LAMA4: variants seen among roughly 807,000 people sequenced by gnomAD.
LAMA4 encodes laminin subunit alpha 4, also known as laminin subunit alpha-4.
In LAMA4, 127 loss-of-function variants were observed where a neutral mutation model predicts 207.1. The ratio of observed to expected loss-of-function variants is 0.61; its 90% confidence interval spans 0.53 to 0.71. The LOEUF is 0.71. LAMA4 is among the 30% of genes least tolerant of loss of function. LAMA4 has a pLI of 0.00. For missense variants in LAMA4, 2,093 were observed against 2,246.5 expected (o/e 0.93, Z 1.38); for synonymous variants, 761 against 816.0 (o/e 0.93, Z 1.15).
At chr6:112,133,037 A>G (rs1779132606) in intron 27 of LAMA4, 147 bp from the exon 28 acceptor site, 1 of 849,608 alleles carries the variant, frequency 1.2e-6, no homozygotes. Context: ...GAATTCAGGC[A>G]TACACTAGGA....
intron 24 of LAMA4, 41 bp from the exon 25 acceptor site, chr6:112,136,295 T>A: frequency 6.5e-7 from 1 of 1,530,740 alleles, no homozygotes; most frequent in South Asian, 1.1e-5. Flanking sequence ...ACATCTGTTA[T>A]GCGAGTAGAG....
At chr6:112,233,392 G>A (rs1785687497) in intron 2 of LAMA4, among the ~76,000 whole-genome samples, 1 of 152,144 alleles carries the variant, frequency 6.6e-6, no homozygotes, top group South Asian at 2.1e-4. Context: ...TTTTTTTTGA[G>A]CACGAATTTT....
At chr6:112,204,172 T>A (rs1441877807) in intron 4 of LAMA4, among the ~76,000 whole-genome samples, 1 of 152,064 alleles carries the variant, frequency 6.6e-6, no homozygotes, top group East Asian at 1.9e-4. Context: ...TTAATAAAGG[T>A]GAGATTTTTG....
chr6:112,194,747 G>T (rs2114977248), intron 5 of LAMA4, among the ~76,000 whole-genome samples: 1 of 152,246 alleles, frequency 6.6e-6, no homozygotes, highest in African/African-American at 2.4e-5. Context: ...AAGTGCCCAA[G>T]CCTGCCCTCA....
chr6:112,173,615 G>A (rs904167864), intron 11 of LAMA4, among the ~76,000 whole-genome samples: 3 of 152,196 alleles, frequency 2.0e-5, no homozygotes, highest in Non-Finnish European at 2.9e-5. Flanking sequence ...TGACATCTGA[G>A]CTCTAGCCTT....
intron 13 of LAMA4, among the ~76,000 whole-genome samples, chr6:112,160,263 A>G (rs781919530): frequency 4.6e-5 from 7 of 152,038 alleles, no homozygotes; most frequent in Non-Finnish European, 7.4e-5. Flanking sequence ...CGCAAACTCT[A>G]TAGATGTATT....
chr6:112,241,592 G>A (rs1211769964), intron 2 of LAMA4, among the ~76,000 whole-genome samples: 2 of 151,978 alleles, frequency 1.3e-5, no homozygotes, highest in African/African-American at 4.8e-5. Flanking sequence ...AGTAAAATGG[G>A]GTTAATATTA....
intron 13 of LAMA4, chr6:112,159,427 C>T (rs1780922444): frequency 6.3e-6 from 1 of 159,046 alleles, no homozygotes; most frequent in Admixed American, 6.2e-5. Flanking sequence ...TAAAAATCAC[C>T]TTGTAACACA....
At chr6:112,187,171 A>T (rs1554346935) in intron 8 of LAMA4, 1 of 516,558 alleles carries the variant, frequency 1.9e-6, no homozygotes, top group African/African-American at 1.9e-5. Flanking sequence ...CTCTTTCCTC[A>T]GTAGTTTTGG....
chr6:112,169,195 C>T (rs1253276825), intron 12 of LAMA4, among the ~76,000 whole-genome samples: 1 of 152,070 alleles, frequency 6.6e-6, no homozygotes, highest in Non-Finnish European at 1.5e-5. Context: ...AGCTGGGACC[C>T]TAGGCAGGGG....
chr6:112,210,370 C>A (rs1784296943), intron 3 of LAMA4, among the ~76,000 whole-genome samples: 1 of 152,060 alleles, frequency 6.6e-6, no homozygotes, highest in South Asian at 2.1e-4. Flanking sequence ...AAAACTGACT[C>A]CACTTAAAAA....
chr6:112,109,755 G>A (rs587695791), intron 38 of LAMA4, among the ~76,000 whole-genome samples, 173 bp from the exon 39 acceptor site: 3 of 151,916 alleles, frequency 2.0e-5, no homozygotes, highest in Non-Finnish European at 4.4e-5. Flanking sequence ...TGCTTGTGAA[G>A]TCCTATGGAC....
Position 112,250,523 on chromosome 6 carries a change from T to C in LAMA4, c.195+3433A>G, listed in dbSNP as rs142679617. ...ACAACAATAGCAAAACTGAGGTTTC[T>C]AGGAGAGAAATTCCTCTTTTCCCCT... On this transcript the variant is annotated intron_variant, in intron 2 of 38. Coordinates refer to ENST00000230538, the MANE Select transcript of LAMA4 (RefSeq NM_001105206.3). Among the ~76,000 whole-genome samples the C allele has an allele frequency of 2.2e-4, 33 of 152,318 alleles. 1 individual carries two copies. The highest frequency in any genetic ancestry group is 7.9e-4 in the African/African-American group (33 of 41,574).
chr6:112,131,128 T>C lies in LAMA4; in HGVS notation c.3835-27A>G, dbSNP rs370868487. 3.1e-6 allele frequency: 5 copies of C among 1,609,570 alleles called. No homozygotes were observed. In the African/African-American group the frequency reaches 5.3e-5, roughly 17 times the overall value. ...TGAAATGCAAGCACAGGCATGTAAG[T>C]AGGGAGTCTAGGGATCCAAAAGACG... is the stretch of plus-strand genomic sequence containing the variant. On this transcript the variant is annotated intron_variant, in intron 28 of 38. Coordinates refer to ENST00000230538, the MANE Select transcript of LAMA4 (RefSeq NM_001105206.3).
intron 16 of LAMA4, among the ~76,000 whole-genome samples, chr6:112,152,218 A>G (rs1780444311): frequency 6.6e-6 from 1 of 152,072 alleles, no homozygotes. Flanking sequence ...AGCTCGTATA[A>G]AAGTGGTGTT....
At chr6:112,249,596 C>T (rs1554189324) in intron 2 of LAMA4, among the ~76,000 whole-genome samples, 1 of 152,032 alleles carries the variant, frequency 6.6e-6, no homozygotes. Context: ...TGCTTACAAG[C>T]AGGGGCCTGG....
Position 112,158,767 on chromosome 6 carries a change from T to C in LAMA4, c.1782A>G (p.Ala594=), listed in dbSNP as rs1409892457. The change falls in exon 14 of 39, where the codon GCA becomes GCG. Residue 594 remains alanine, a synonymous_variant. Coordinates refer to ENST00000230538, the MANE Select transcript of LAMA4 (RefSeq NM_001105206.3). ...CATTAGCTTCTTGTTGAAGGTCCTGTGCATGGTCAATAGCTTCTTGGACTA... is the reference window on the plus strand; with the variant it reads ...CATTAGCTTCTTGTTGAAGGTCCTGCGCATGGTCAATAGCTTCTTGGACTA... The part of the protein sequence containing the change: ...HDLVQEAIDH[A]QDLQQEANEL... The C allele has an allele frequency of 2.5e-6, 4 of 1,613,824 alleles. No individual in the cohort carries two copies. The African/African-American group carries it at 5.3e-5, about 22-fold the overall frequency.
rs1479282432 is a variant in LAMA4, at chr6:112,212,519, C to T, written c.297+3849G>A. Among the ~76,000 whole-genome samples the T allele has an allele frequency of 3.3e-5, 5 of 152,154 alleles. 1 individual carries two copies. The highest frequency in any genetic ancestry group is 7.4e-5 in the Non-Finnish European group (5 of 68,026). On this transcript the variant is annotated intron_variant, in intron 3 of 38. Coordinates refer to ENST00000230538, the MANE Select transcript of LAMA4 (RefSeq NM_001105206.3). Reference sequence around the variant, plus strand: ...GATTATTGGCTTGAGCCACCGTGCCCGGCCAGTTTCTGTCATATTCTTATG... The same window carrying T: ...GATTATTGGCTTGAGCCACCGTGCCTGGCCAGTTTCTGTCATATTCTTATG...
intron 2 of LAMA4, 119 bp from the exon 3 acceptor site, chr6:112,216,588 T>A: frequency 1.4e-6 from 1 of 719,012 alleles, no homozygotes; most frequent in Non-Finnish European, 2.5e-6. Flanking sequence ...AAAATGAATA[T>A]ACTAAATGAT....
Sources: allele counts gnomAD v4.1 joint callset (sites outside exome capture counted in the v4.1 genomes callset), GRCh38; gene constraint gnomAD v4.1.1; transcripts MANE v1.5; gene names NCBI Gene and HGNC (gene_info 2026-07-23, HGNC 2026-07-21).